The following TENT4B variants were observed in gnomAD, a reference collection of about 807,000 sequenced individuals.
TENT4B encodes terminal nucleotidyltransferase 4B.
Under a neutral mutation model 75.0 loss-of-function variants are expected in TENT4B, and 10 were observed. The observed-to-expected ratio is 0.13, with a 90% CI of 0.08 to 0.23. TENT4B has a LOEUF of 0.23. Among genes scored for constraint, TENT4B ranks in the 10% least tolerant of loss-of-function variants. TENT4B has a pLI of 1.00. For missense variants in TENT4B, 579 were observed against 893.8 expected (o/e 0.65, Z 4.49); for synonymous variants, 350 against 357.7 (o/e 0.98, Z 0.24).
At chr16:50,210,616 G>T (rs2031229434) in intron 1 of TENT4B, among the ~76,000 whole-genome samples, 1 of 152,080 alleles carries the variant, frequency 6.6e-6, no homozygotes, top group Admixed American at 6.5e-5. Flanking sequence ...CTGCATTTTT[G>T]AAGTCAGTCT....
At chr16:50,189,692 A>G (rs1468537796) in intron 1 of TENT4B, among the ~76,000 whole-genome samples, 1 of 151,920 alleles carries the variant, frequency 6.6e-6, no homozygotes, top group Non-Finnish European at 1.5e-5. Flanking sequence ...CAGCATTTCT[A>G]TAAAAATACA....
chr16:50,224,753 C>G lies in TENT4B; in HGVS notation c.1478C>G (p.Ala493Gly). ...TTGAGTCATGCTGTATCACCAATAG[C>G]AAAGTACTATCCCAACAATGAAACA... ...VVLSHAVSPI[A>G]KYYPNNETES... The change falls in exon 8 of 12, where the codon GCA becomes GGA. Residue 493 changes from alanine (A) to glycine (G), a missense_variant. Ala to Gly is a moderately conservative substitution (Grantham distance 60, BLOSUM62 0). Around this residue, in one of 7 missense-constraint regions of TENT4B, gnomAD observed 71 missense variants for 210.6 expected, o/e 0.34. Coordinates refer to ENST00000561678, the MANE Select transcript of TENT4B (RefSeq NM_001365324.3). The G allele has an allele frequency of 6.2e-7, 1 of 1,613,996 alleles. No individual in the cohort carries two copies. The highest frequency in any genetic ancestry group is 8.5e-7 in the Non-Finnish European group (1 of 1,179,892).
chr16:50,220,068 A>G (rs1040549590), intron 5 of TENT4B, among the ~76,000 whole-genome samples: 3 of 151,596 alleles, frequency 2.0e-5, no homozygotes, highest in Admixed American at 6.6e-5. Context: ...GGCTCACTGC[A>G]ACCTCCGTCT....
At chr16:50,172,980 G>A (rs112755907) in intron 1 of TENT4B, among the ~76,000 whole-genome samples, 3,908 of 151,882 alleles carry the variant, frequency 0.026, 53 homozygotes, top group South Asian at 0.05. Flanking sequence ...TCTCGCTCTC[G>A]CCCAGGCTGG....
At chr16:50,187,087 T>G (rs1047477938) in intron 1 of TENT4B, among the ~76,000 whole-genome samples, 24 of 152,180 alleles carry the variant, frequency 1.6e-4, no homozygotes, top group African/African-American at 5.8e-4. Flanking sequence ...TGTCCTTTGA[T>G]GCACAAAAGC....
intron 1 of TENT4B, among the ~76,000 whole-genome samples, chr16:50,198,820 C>A (rs924881706): frequency 1.3e-5 from 2 of 152,150 alleles, no homozygotes; most frequent in African/African-American, 4.8e-5. Context: ...TCTGAGCCCT[C>A]GAATAGACAG....
chr16:50,196,707 C>A (rs553530368), intron 1 of TENT4B, among the ~76,000 whole-genome samples: 1 of 151,386 alleles, frequency 6.6e-6, no homozygotes, highest in Middle Eastern at 3.4e-3. Context: ...GCGGGCAGAT[C>A]GCTTGAGCCA....
intron 2 of TENT4B, 115 bp downstream of exon 2, chr16:50,211,561 T>C: frequency 2.5e-6 from 3 of 1,194,904 alleles, no homozygotes; most frequent in Non-Finnish European, 2.2e-6. Context: ...CTCTGTAGAG[T>C]TGTGGTCTAA....
upstream of TENT4B, chr16:50,153,011 T>A (rs1264622182): frequency 6.6e-7 from 1 of 1,516,326 alleles, no homozygotes; most frequent in Admixed American, 2.0e-5. Context: ...CGCGCGCGCC[T>A]CAGAAGCTCC....
chr16:50,167,412 T>G (rs1286925628), intron 1 of TENT4B, among the ~76,000 whole-genome samples: 1 of 144,590 alleles, frequency 6.9e-6, no homozygotes, highest in Non-Finnish European at 1.5e-5. Context: ...TCTTTTAGGT[T>G]TTTTTTTTTC....
intron 9 of TENT4B, 43 bp from the exon 10 acceptor site, chr16:50,225,055 T>C: frequency 6.2e-7 from 1 of 1,608,534 alleles, no homozygotes; most frequent in Non-Finnish European, 8.5e-7. Context: ...TTGTGTGCGT[T>C]TAATGGGAAG....
Position 50,225,184 on chromosome 16 carries a change from T to C in TENT4B, c.1699T>C (p.Cys567Arg), listed in dbSNP as rs1003330335. The change falls in exon 10 of 12, where the codon TGT becomes CGT. Residue 567 changes from cysteine (C) to arginine (R), a missense_variant. Physicochemically the swap from Cys to Arg is radical, Grantham distance 180. Transcript: ENST00000561678. Reference sequence around the variant, plus strand: ...TGAAGAAAATGAAGCCCTTGGAAAATGTAGAAGTAAAACCTCGGAATCTCT... The same window carrying C: ...TGAAGAAAATGAAGCCCTTGGAAAACGTAGAAGTAAAACCTCGGAATCTCT... ...LSEENEALGK[C>R]RSKTSESLSK... The C allele has an allele frequency of 1.2e-6, 2 of 1,613,798 alleles. No individual in the cohort carries two copies. Among genetic ancestry groups the C allele is most frequent in the African/African-American group, 1.3e-5 (1 of 74,910 alleles).
At chr16:50,216,965 T>C (rs925525453) in intron 4 of TENT4B, among the ~76,000 whole-genome samples, 2 of 152,144 alleles carry the variant, frequency 1.3e-5, no homozygotes, top group African/African-American at 4.8e-5. Flanking sequence ...TCAGGTTGTT[T>C]TTTGGGCTAT....
rs376793573 is a variant in TENT4B, at chr16:50,229,133, T to C, written c.1966-19T>C. ...TTCTGCAATACTGATGTCTTTGTGG[T>C]CGTTTTCTGTTTCTGCAGCATGGAT... On this transcript the variant is annotated intron_variant, in intron 11 of 11. Coordinates refer to ENST00000561678, the MANE Select transcript of TENT4B (RefSeq NM_001365324.3). The C allele has an allele frequency of 6.2e-6, 10 of 1,610,838 alleles. No individual in the cohort carries two copies. Among genetic ancestry groups the C allele is most frequent in the Admixed American group, 3.4e-5 (2 of 59,072 alleles).
intron 1 of TENT4B, among the ~76,000 whole-genome samples, chr16:50,190,480 A>G (rs1038983771): frequency 5.3e-5 from 8 of 151,982 alleles, no homozygotes; most frequent in Admixed American, 1.3e-4. Flanking sequence ...TCATGGCCCA[A>G]TAATCTTTAT....
chr16:50,152,994 G>A (rs1244084911), upstream of TENT4B: 1 of 1,516,898 alleles, frequency 6.6e-7, no homozygotes, highest in Non-Finnish European at 8.8e-7. Context: ...AGCCGAGGCG[G>A]AGAAGCCGCG....
At chr16:50,217,485 G>A in intron 4 of TENT4B, 71 bp from the exon 5 acceptor site, 1 of 788,918 alleles carries the variant, frequency 1.3e-6, no homozygotes, top group Non-Finnish European at 2.0e-6. Flanking sequence ...ATGTCTAGTA[G>A]GCTTCCATCC....
rs2032329063 is a variant in TENT4B at position 50,232,571 on chromosome 16, C to T, written c.*3243C>T. ...TAAGTGTGACTTGTGTTTGCCTGAA[C>T]CTGTGGACTAGTGTTTGGGGTTTCT... On this transcript the variant is annotated 3_prime_UTR_variant, in exon 12 of 12. Transcript: ENST00000561678. The T allele has an allele frequency of 2.0e-6, 2 of 985,158 alleles. No homozygotes were observed. The highest frequency in any genetic ancestry group is 1.7e-5 in the African/African-American group (1 of 57,182). The allele number at this position is 985,158 out of a possible 1,614,324, so 61.0% of individuals were successfully genotyped here. A position where few individuals can be genotyped will look rare whatever the true frequency, so the allele number is the denominator to read the frequency against.
intron 1 of TENT4B, among the ~76,000 whole-genome samples, chr16:50,210,102 C>T (rs1001472933): frequency 6.6e-5 from 10 of 152,138 alleles, no homozygotes; most frequent in African/African-American, 1.4e-4. Context: ...CCTGTTGCTC[C>T]GAGCCTTCTG....
Sources: allele counts gnomAD v4.1 joint callset (sites outside exome capture counted in the v4.1 genomes callset), GRCh38; gene constraint gnomAD v4.1.1; regional missense constraint gnomAD v4.1.1; transcripts MANE v1.5; gene names NCBI Gene and HGNC (gene_info 2026-07-23, HGNC 2026-07-21).